The following AFF2 variants were observed in gnomAD, a reference collection of about 807,000 sequenced individuals.
The protein encoded by AFF2 is AF4/FMR2 family member 2.
In AFF2, 14 loss-of-function variants were observed where a neutral mutation model predicts 76.9. The ratio of observed to expected loss-of-function variants is 0.18; its 90% CI spans 0.12 to 0.28. The LOEUF (loss-of-function observed/expected upper bound fraction) is 0.28, where lower values mean the gene tolerates loss of function less well. Among genes scored for constraint, AFF2 ranks in the 10% least tolerant of loss-of-function variants. The probability of loss-of-function intolerance (pLI) is 1.00; values close to 1 mark genes in which losing one functional copy is unlikely to be tolerated. For missense variants in AFF2, 868 were observed against 1,001.1 expected (o/e 0.87, Z 1.79); for synonymous variants, 398 against 366.7 (o/e 1.09, Z -0.98).
chrX:148,507,552 T>C (rs1172236236), intron 1 of AFF2, among the ~76,000 whole-genome samples: 2 of 111,974 alleles, frequency 1.8e-5, no homozygotes, highest in African/African-American at 6.5e-5. Flanking sequence ...TCAGTCTTTA[T>C]GACTTGTATT....
intron 4 of AFF2, among the ~76,000 whole-genome samples, chrX:148,816,933 CA>C (rs143691805): frequency 0.011 from 929 of 84,431 alleles, 14 homozygotes; most frequent in African/African-American, 0.038. Flanking sequence ...AAGATCTATG[CA>C]AAAAAAAAAA....
chrX:148,592,390 A>T (rs1428976170), intron 1 of AFF2, among the ~76,000 whole-genome samples: 2 of 110,637 alleles, frequency 1.8e-5, no homozygotes, highest in Non-Finnish European at 3.8e-5. Flanking sequence ...ATCCCTTAGA[A>T]GATTATTTTG....
At chrX:148,592,045 G>A (rs1162159817) in intron 1 of AFF2, among the ~76,000 whole-genome samples, 3 of 111,691 alleles carry the variant, frequency 2.7e-5, no homozygotes, top group Non-Finnish European at 5.6e-5. Context: ...TGTTTGCCTC[G>A]TTATGTCAGA....
chrX:148,952,769 A>G (rs2071984658), intron 9 of AFF2, among the ~76,000 whole-genome samples: 1 of 111,912 alleles, frequency 8.9e-6, no homozygotes, highest in African/African-American at 3.3e-5. Context: ...ATTTAAAATC[A>G]ATCATTACAG....
At position 148,583,748 on chromosome X, in the gene AFF2, G is replaced by A. The variant is rs185752080; in HGVS notation, c.48-68251G>A. On this transcript the variant is annotated intron_variant, in intron 1 of 20. Transcript: ENST00000370460. ...GTTCATTCTTTCTTTTTCCTTTTCC[G>A]TATTTATAACTCCTTTTTCTGACAC... Among the ~76,000 whole-genome samples, 203 of 110,636 alleles carry A rather than the reference G, an allele frequency of 1.8e-3. 2 individuals carry two copies. Among genetic ancestry groups the A allele is most frequent in the African/African-American group, 6.0e-3 (182 of 30,453 alleles).
intron 9 of AFF2, among the ~76,000 whole-genome samples, chrX:148,908,213 C>A (rs781934033): frequency 1.5e-4 from 17 of 110,704 alleles, no homozygotes; most frequent in Admixed American, 5.8e-4. Context: ...GGTCCTGAGG[C>A]GACATACATC....
chrX:148,896,314 A>G (rs2071283814), intron 8 of AFF2, among the ~76,000 whole-genome samples: 2 of 111,915 alleles, frequency 1.8e-5, no homozygotes, highest in African/African-American at 6.5e-5. Context: ...AAGTCTTCAC[A>G]GTGTGACCAT....
intron 11 of AFF2, 118 bp downstream of exon 11, chrX:148,956,731 A>G (rs1330635082): frequency 3.0e-6 from 2 of 659,018 alleles, no homozygotes; most frequent in East Asian, 7.0e-5. Flanking sequence ...ATTTTGGCAA[A>G]GGTGATGATG....
chrX:148,527,792 G>A (rs1282809443), intron 1 of AFF2, among the ~76,000 whole-genome samples: 1 of 111,647 alleles, frequency 9.0e-6, no homozygotes, highest in East Asian at 2.8e-4. Context: ...GTCATTTCCT[G>A]GACCAGTAAT....
At chrX:148,597,706 G>T (rs1006428811) in intron 1 of AFF2, among the ~76,000 whole-genome samples, 4 of 111,452 alleles carry the variant, frequency 3.6e-5, no homozygotes, top group Admixed American at 1.9e-4. Context: ...TGGGGTGAGG[G>T]TATATGATTA....
At chrX:148,819,615 C>T (rs1182431499) in intron 4 of AFF2, among the ~76,000 whole-genome samples, 1 of 110,985 alleles carries the variant, frequency 9.0e-6, no homozygotes, top group Non-Finnish European at 1.9e-5. Context: ...TGTGGCTTGT[C>T]TTTTCATTCT....
Position 148,966,994 on chromosome X carries a change from C to G in AFF2, c.3118C>G (p.Leu1040Val), listed in dbSNP as rs911815060. Reference sequence around the variant, plus strand: ...TACTGGCCTCATGGATAGCAGTCACCTGGAGATGACGTCCTGGGCGGCTCT... The same window carrying G: ...TACTGGCCTCATGGATAGCAGTCACGTGGAGATGACGTCCTGGGCGGCTCT... ...ITTGLMDSSH[L>V]EMTSWAALPL... is the part of the protein sequence containing the mutation. Residue 1040 changes from leucine to valine, a missense_variant, in exon 14 of 21, where the codon CTG becomes GTG. By Grantham distance (32) the Leu-to-Val change is conservative. Around this residue, in one of 6 missense-constraint regions of AFF2, gnomAD observed 532 missense variants for 564.2 expected, o/e 0.94. Transcript: ENST00000370460. 4 of 1,211,716 alleles carry G rather than the reference C, an allele frequency of 3.3e-6. No individual in the cohort carries two copies. The highest frequency in any genetic ancestry group is 4.5e-6 in the Non-Finnish European group (4 of 895,530).
chrX:148,963,485 T>C (rs1055882217), intron 13 of AFF2, among the ~76,000 whole-genome samples: 12 of 112,452 alleles, frequency 1.1e-4, no homozygotes, highest in Non-Finnish European at 2.3e-4. Context: ...ATCTCTGAGA[T>C]AATAAAATGA....
At chrX:148,615,427 CG>C (rs1465267645) in intron 1 of AFF2, among the ~76,000 whole-genome samples, 8 of 111,849 alleles carry the variant, frequency 7.2e-5, no homozygotes, top group African/African-American at 2.6e-4. Context: ...AAACCATTAT[CG>C]TGGCTCTGCA....
intron 4 of AFF2, among the ~76,000 whole-genome samples, chrX:148,811,299 G>A (rs1435088328): frequency 9.0e-6 from 1 of 110,992 alleles, no homozygotes; most frequent in African/African-American, 3.3e-5. Context: ...TGAAACCAGT[G>A]CCTGGTGTTA....
At chrX:148,774,110 T>C (rs1569555335) in intron 3 of AFF2, among the ~76,000 whole-genome samples, 1 of 112,115 alleles carries the variant, frequency 8.9e-6, no homozygotes, top group Non-Finnish European at 1.9e-5. Context: ...CTAGATCCTA[T>C]AATTTTAAAC....
intron 3 of AFF2, among the ~76,000 whole-genome samples, chrX:148,737,158 T>G (rs781889667): frequency 4.5e-5 from 5 of 111,265 alleles, no homozygotes; most frequent in Non-Finnish European, 7.6e-5. Context: ...TGAAGCATGA[T>G]GGTGGTATTT....
intron 9 of AFF2, among the ~76,000 whole-genome samples, chrX:148,916,247 T>C (rs2071529440): frequency 1.3e-5 from 1 of 79,678 alleles, no homozygotes; most frequent in Non-Finnish European, 2.3e-5. Context: ...TCTTGCTTTG[T>C]CGCCCAGGTT....
rs782782530 is a variant in AFF2, at chrX:148,562,092, C to T, written c.47+60948C>T. On this transcript the variant is annotated intron_variant, in intron 1 of 20. Coordinates refer to ENST00000370460, the MANE Select transcript of AFF2 (RefSeq NM_002025.4). ...GTTAATGAAAGTGGTGAGTTCCCACCCACTAACGTTGTTGCTTGTTTTAGA... is the reference window on the plus strand; with the variant it reads ...GTTAATGAAAGTGGTGAGTTCCCACTCACTAACGTTGTTGCTTGTTTTAGA... 7.1e-5 allele frequency among the ~76,000 whole-genome samples: 8 copies of T among 112,122 alleles called. No individual in the cohort carries two copies. In the South Asian group the frequency reaches 3.0e-3, roughly 42 times the overall value.
Sources: allele counts gnomAD v4.1 joint callset (sites outside exome capture counted in the v4.1 genomes callset), GRCh38; gene constraint gnomAD v4.1.1; regional missense constraint gnomAD v4.1.1; transcripts MANE v1.5; gene names NCBI Gene and HGNC (gene_info 2026-07-23, HGNC 2026-07-21).